Variants in RAB31 observed in about 807,000 individuals in gnomAD.
The protein encoded by RAB31 is RAB31, member RAS oncogene family.
RAB31 carries 21 observed loss-of-function variants against 25.6 expected under a neutral mutation model. That is an observed-to-expected ratio of 0.82 (90% confidence interval 0.58 to 1.18). RAB31 has a LOEUF of 1.18. Ranked by LOEUF, RAB31 falls within the 50% of genes most tolerant of loss-of-function variation. The pLI is 0.00. For synonymous variants in RAB31, 87 were observed against 84.0 expected, an observed-to-expected ratio of 1.04 and a Z score of -0.20; for missense variants, 196 against 250.1, an observed-to-expected ratio of 0.78 and a Z score of 1.46.
chr18:9,775,030 G>A (rs905653164), intron 1 of RAB31: 5 of 610,212 alleles, frequency 8.2e-6, no homozygotes, highest in African/African-American at 5.5e-5. Flanking sequence ...GTTAAATATT[G>A]TATACATGTC....
Position 9,805,573 on chromosome 18 carries a change from C to T in RAB31, c.202-8447C>T, listed in dbSNP as rs369010393. On this transcript the variant is annotated intron_variant, in intron 3 of 6. Transcript: ENST00000578921. ...CCTCATATGAAGGTCAGCTGATGAGCCCTATTCCACCTCCCATGTAACCTA... is the reference window on the plus strand; with the variant it reads ...CCTCATATGAAGGTCAGCTGATGAGTCCTATTCCACCTCCCATGTAACCTA... Among the ~76,000 whole-genome samples, 12 of 152,252 alleles carry T rather than the reference C, an allele frequency of 7.9e-5. No individual in the cohort carries two copies. In the East Asian group the frequency reaches 2.3e-3, roughly 29 times the overall value.
intron 1 of RAB31, among the ~76,000 whole-genome samples, chr18:9,736,281 A>G (rs190997079): frequency 8.5e-5 from 13 of 152,178 alleles, no homozygotes; most frequent in African/African-American, 2.7e-4. Flanking sequence ...GCCTGAAAAC[A>G]TTTCCTTTTG....
intron 6 of RAB31, among the ~76,000 whole-genome samples, chr18:9,855,168 T>C (rs1464046631): frequency 6.6e-6 from 1 of 152,158 alleles, no homozygotes; most frequent in Non-Finnish European, 1.5e-5. Context: ...TAGGAATTTG[T>C]TTTCACATAC....
At chr18:9,852,707 T>A (rs957176570) in intron 6 of RAB31, among the ~76,000 whole-genome samples, 10 of 152,192 alleles carry the variant, frequency 6.6e-5, no homozygotes, top group African/African-American at 2.4e-4. Context: ...AAAGGTGCTA[T>A]GAGTATTCAT....
intron 3 of RAB31, among the ~76,000 whole-genome samples, chr18:9,813,756 G>A (rs1469951958): frequency 6.6e-6 from 1 of 152,138 alleles, no homozygotes; most frequent in Non-Finnish European, 1.5e-5. Context: ...GGAAGCCAAG[G>A]CATGAGAATC....
chr18:9,761,849 C>A (rs1445650663), intron 1 of RAB31, among the ~76,000 whole-genome samples: 1 of 152,138 alleles, frequency 6.6e-6, no homozygotes, highest in Non-Finnish European at 1.5e-5. Context: ...GCTCTGTTGC[C>A]CAGGCTGGAG....
chr18:9,814,047 C>T lies in RAB31; in HGVS notation c.229C>T (p.Arg77Ter), dbSNP rs1271116456. Residue 77 changes from arginine to a stop codon, truncating the protein, a stop_gained, in exon 4 of 7, where the codon CGA becomes TGA. Transcript: ENST00000578921. LOFTEE classifies it high-confidence loss of function. ...TCATTCATTGGCTCCCATGTACTAT[C>T]GAGGCTCAGCTGCAGCTGTTATCGT... Reference protein sequence around the residue: ...RFHSLAPMYYRGSAAAVIVYD... With the variant: ...RFHSLAPMYY The T allele has an allele frequency of 2.5e-6, 4 of 1,594,890 alleles. No individual in the cohort carries two copies. Among genetic ancestry groups the T allele is most frequent in the Middle Eastern group, 1.7e-4 (1 of 6,034 alleles).
chr18:9,748,176 C>T (rs2068215078), intron 1 of RAB31, among the ~76,000 whole-genome samples: 1 of 152,130 alleles, frequency 6.6e-6, no homozygotes, highest in Non-Finnish European at 1.5e-5. Context: ...TGAGGGACAG[C>T]AGTGTAGGGA....
At chr18:9,833,190 T>A (rs1189849505) in intron 5 of RAB31, among the ~76,000 whole-genome samples, 1 of 152,226 alleles carries the variant, frequency 6.6e-6, no homozygotes, top group African/African-American at 2.4e-5. Context: ...GAAGGCCGGA[T>A]GGCTGCTGTA....
chr18:9,746,355 A>G (rs1216391773), intron 1 of RAB31, among the ~76,000 whole-genome samples: 1 of 150,752 alleles, frequency 6.6e-6, no homozygotes. Flanking sequence ...AAAGCGATCA[A>G]CAGATTCAAT....
intron 6 of RAB31, among the ~76,000 whole-genome samples, chr18:9,852,718 T>G (rs1377816535): frequency 6.6e-6 from 1 of 152,206 alleles, no homozygotes. Context: ...GAGTATTCAT[T>G]TACAAGTCTT....
In RAB31 at chr18:9,787,532, G is replaced by A. The variant is rs115746607; in HGVS notation, c.120-4622G>A. ...GAAGACCCTTACAAGTGTAATGAGTGTGGCAAAGCCTTCAGTGTGCAGTCA... is the reference window on the plus strand; with the variant it reads ...GAAGACCCTTACAAGTGTAATGAGTATGGCAAAGCCTTCAGTGTGCAGTCA... On this transcript the variant is annotated intron_variant, in intron 2 of 6. Coordinates refer to ENST00000578921, the MANE Select transcript of RAB31 (RefSeq NM_006868.4). The A allele has an allele frequency of 5.6e-3, 1,086 of 194,444 alleles. 15 individuals are homozygous for A. The highest frequency in any genetic ancestry group is 0.024 in the African/African-American group (1,017 of 42,590). 12.0% of individuals were successfully genotyped at this position (194,444 alleles called of 1,614,324 possible).
intron 6 of RAB31, among the ~76,000 whole-genome samples, chr18:9,853,265 T>G (rs550207388): frequency 6.6e-6 from 1 of 152,176 alleles, no homozygotes; most frequent in Admixed American, 6.5e-5. Context: ...CCCTTTTGAT[T>G]TGTGCTTTTT....
intron 5 of RAB31, among the ~76,000 whole-genome samples, chr18:9,835,125 C>T (rs567904028): frequency 2.0e-5 from 3 of 152,232 alleles, no homozygotes; most frequent in South Asian, 4.2e-4. Context: ...GTCAAGGGGT[C>T]GATCCTAGGT....
chr18:9,718,266 T>C (rs2068054328), intron 1 of RAB31, among the ~76,000 whole-genome samples: 1 of 152,030 alleles, frequency 6.6e-6, no homozygotes, highest in Non-Finnish European at 1.5e-5. Flanking sequence ...AATTTTTTTG[T>C]TTGTTTGTTT....
At chr18:9,776,228 C>T (rs931246484) in intron 2 of RAB31, among the ~76,000 whole-genome samples, 9 of 152,142 alleles carry the variant, frequency 5.9e-5, no homozygotes, top group African/African-American at 1.7e-4. Context: ...GCTCCTTGGC[C>T]GCGTGTGCTT....
chr18:9,730,197 A>T (rs1233972885), intron 1 of RAB31, among the ~76,000 whole-genome samples: 1 of 151,904 alleles, frequency 6.6e-6, no homozygotes, highest in African/African-American at 2.4e-5. Context: ...TTTTTTACTA[A>T]TTTCTTACGC....
At chr18:9,775,153 C>T in intron 1 of RAB31, 125 bp from the exon 2 acceptor site, 3 of 1,465,762 alleles carry the variant, frequency 2.0e-6, no homozygotes, top group Non-Finnish European at 2.8e-6. Flanking sequence ...CCCCCACTCC[C>T]TCTCCCAGTC....
chr18:9,836,864 T>G (rs2068707762), intron 5 of RAB31, among the ~76,000 whole-genome samples: 1 of 142,014 alleles, frequency 7.0e-6, no homozygotes, highest in African/African-American at 2.7e-5. Context: ...AGTCAGTGTG[T>G]GAGGCATGGG....
Sources: gnomAD v4.1 joint callset for allele counts (sites outside exome capture counted in the v4.1 genomes callset) on GRCh38, gnomAD v4.1.1 for gene constraint, MANE v1.5 for transcripts, NCBI Gene and HGNC (gene_info 2026-07-23, HGNC 2026-07-21) for gene names.